PDE4D: variants seen among roughly 807,000 people sequenced by gnomAD.
The protein encoded by PDE4D is 3',5'-cyclic-AMP phosphodiesterase 4D.
Under a neutral mutation model 87.4 loss-of-function variants are expected in PDE4D, and 24 were observed. The ratio of observed to expected loss-of-function variants is 0.27; its 90% CI spans 0.20 to 0.39. The LOEUF is 0.39. Ranked by LOEUF, PDE4D falls within the 10% of genes least tolerant of loss-of-function variation. PDE4D has a pLI of 1.00. For missense variants in PDE4D, 714 were observed against 1,041.0 expected (o/e 0.69, Z 4.32); for synonymous variants, 384 against 383.2 (o/e 1.00, Z -0.02).
At chr5:59,315,568 C>T (rs529864483) in intron 1 of PDE4D, among the ~76,000 whole-genome samples, 79 of 152,166 alleles carry the variant, frequency 5.2e-4, no homozygotes, top group African/African-American at 1.9e-3. Context: ...TTGTGACTGT[C>T]AGGTGGCCTC....
intron 1 of PDE4D, among the ~76,000 whole-genome samples, chr5:59,732,738 G>T (rs1188868658): frequency 6.6e-6 from 1 of 152,082 alleles, no homozygotes; most frequent in African/African-American, 2.4e-5. Context: ...AGGAAAAATT[G>T]GAGCTAATTA....
chr5:60,283,747 CT>C (rs1752161597), intron 1 of PDE4D, among the ~76,000 whole-genome samples: 1 of 152,044 alleles, frequency 6.6e-6, no homozygotes, highest in African/African-American at 2.4e-5. Context: ...ACAGCAGGGC[CT>C]GTAAAATGTG....
chr5:59,844,739 A>G (rs1321682799), intron 1 of PDE4D, among the ~76,000 whole-genome samples: 1 of 152,106 alleles, frequency 6.6e-6, no homozygotes. Flanking sequence ...CACGAACAGG[A>G]TGAACAGTCA....
At chr5:60,494,732 G>C (rs1055894793) in intron 1 of PDE4D, among the ~76,000 whole-genome samples, 1 of 152,160 alleles carries the variant, frequency 6.6e-6, no homozygotes, top group Admixed American at 6.5e-5. Flanking sequence ...CTTCCAAGTG[G>C]CATGTCATTT....
intron 1 of PDE4D, among the ~76,000 whole-genome samples, chr5:60,422,800 A>C (rs1561236564): frequency 6.6e-6 from 1 of 152,246 alleles, no homozygotes; most frequent in Non-Finnish European, 1.5e-5. Flanking sequence ...CAGGAGACCC[A>C]TCTCACATGC....
At chr5:59,752,493 T>A (rs886697286) in intron 1 of PDE4D, among the ~76,000 whole-genome samples, 1 of 152,166 alleles carries the variant, frequency 6.6e-6, no homozygotes, top group East Asian at 1.9e-4. Flanking sequence ...ATCACAAGAC[T>A]GTGCTAGGTG....
intron 1 of PDE4D, among the ~76,000 whole-genome samples, chr5:59,438,669 CT>C (rs1797139338): frequency 6.6e-6 from 1 of 152,174 alleles, no homozygotes; most frequent in African/African-American, 2.4e-5. Context: ...GAACTGCACA[CT>C]TACAATGTTG....
rs116458721 is a variant in PDE4D at position 60,455,835 on chromosome 5, C to T, written c.-90+32107G>A. 6.4e-3 allele frequency among the ~76,000 whole-genome samples: 970 copies of T among 152,252 alleles called. 13 individuals carry two copies. The highest frequency in any genetic ancestry group is 0.021 in the African/African-American group (882 of 41,548). ...CATTCAAGGACCTCTGCGATCAAGT[C>T]TAGTTACTCAAAGTAGTGCCTGCAC... On this transcript the variant is annotated intron_variant, in intron 1 of 16. Transcript: ENST00000502484.
At chr5:59,438,597 T>C in intron 1 of PDE4D, among the ~76,000 whole-genome samples, 1 of 152,198 alleles carries the variant, frequency 6.6e-6, no homozygotes, top group African/African-American at 2.4e-5. Flanking sequence ...AAATAGTGCC[T>C]CCTTTTACTT....
intron 1 of PDE4D, among the ~76,000 whole-genome samples, chr5:59,416,325 T>A (rs1793603223): frequency 6.6e-6 from 1 of 152,166 alleles, no homozygotes; most frequent in Admixed American, 6.6e-5. Flanking sequence ...ACTTCTTGGA[T>A]CTGGCCTGAG....
intron 3 of PDE4D, among the ~76,000 whole-genome samples, chr5:59,909,562 T>G (rs1753215858): frequency 6.6e-6 from 1 of 152,096 alleles, no homozygotes; most frequent in South Asian, 2.1e-4. Context: ...TTTTGTATTT[T>G]TTTGTAGACA....
intron 1 of PDE4D, among the ~76,000 whole-genome samples, chr5:59,621,363 A>C (rs531478898): frequency 1.3e-5 from 2 of 152,286 alleles, no homozygotes; most frequent in Admixed American, 1.3e-4. Context: ...TTCATCTGAG[A>C]TGCATTGAAT....
At chr5:59,292,013 G>A (rs1415824597) in intron 1 of PDE4D, among the ~76,000 whole-genome samples, 2 of 151,938 alleles carry the variant, frequency 1.3e-5, no homozygotes, top group African/African-American at 4.8e-5. Context: ...ATGGTGCTTG[G>A]CAAAAGTTGC....
At chr5:60,143,655 G>T (rs1424652488) in intron 2 of PDE4D, among the ~76,000 whole-genome samples, 1 of 100,856 alleles carries the variant, frequency 9.9e-6, no homozygotes, top group South Asian at 3.4e-4. Flanking sequence ...GTGTGTATGT[G>T]TGTGTGTTTT....
At chr5:59,100,375 T>C (rs1770531845) in intron 5 of PDE4D, among the ~76,000 whole-genome samples, 1 of 152,248 alleles carries the variant, frequency 6.6e-6, no homozygotes, top group South Asian at 2.1e-4. Context: ...TAGTTCCCTT[T>C]GTCTGAAATG....
intron 1 of PDE4D, among the ~76,000 whole-genome samples, chr5:59,315,557 A>G (rs956692134): frequency 6.6e-6 from 1 of 152,160 alleles, no homozygotes; most frequent in Non-Finnish European, 1.5e-5. Flanking sequence ...AATGACTGTC[A>G]TTGTGACTGT....
intron 1 of PDE4D, among the ~76,000 whole-genome samples, chr5:60,309,604 TTATAATA>T (rs1216734584): frequency 6.6e-6 from 1 of 152,082 alleles, no homozygotes; most frequent in African/African-American, 2.4e-5. Context: ...TCCCTCAGGG[TTATAATA>T]TTTCTTAACA....
chr5:59,163,183 C>T (rs1040035694), intron 5 of PDE4D, among the ~76,000 whole-genome samples: 3 of 149,294 alleles, frequency 2.0e-5, no homozygotes, highest in African/African-American at 4.9e-5. Flanking sequence ...TGGCCTCAAT[C>T]GATCCGCCTG....
intron 1 of PDE4D, among the ~76,000 whole-genome samples, chr5:59,544,676 G>A (rs1295496923): frequency 6.6e-6 from 1 of 152,186 alleles, no homozygotes; most frequent in East Asian, 1.9e-4. Flanking sequence ...GCTATTAGCT[G>A]GAAGCTCTCT....
Sources: gnomAD v4.1 joint callset for allele counts (sites outside exome capture counted in the v4.1 genomes callset) on GRCh38, gnomAD v4.1.1 for gene constraint, MANE v1.5 for transcripts, NCBI Gene and HGNC (gene_info 2026-07-23, HGNC 2026-07-21) for gene names.